FRMPD4: variants seen among roughly 807,000 people sequenced by gnomAD.
FRMPD4 encodes the protein FERM and PDZ domain containing 4, also known as FERM and PDZ domain-containing protein 4.
Under a neutral mutation model 94.1 loss-of-function variants are expected in FRMPD4, and 22 were observed. That is an observed-to-expected ratio of 0.23 (90% CI 0.17 to 0.33). The LOEUF (loss-of-function observed/expected upper bound fraction) is 0.33. Among genes scored for constraint, FRMPD4 ranks in the 10% least tolerant of loss-of-function variants. The pLI is 1.00. For missense variants in FRMPD4, 1,111 were observed against 1,339.9 expected (o/e 0.83, Z 2.67); for synonymous variants, 631 against 548.6 (o/e 1.15, Z -2.10).
At chrX:12,539,593 G>C (rs1188200286) in intron 2 of FRMPD4, among the ~76,000 whole-genome samples, 1 of 111,193 alleles carries the variant, frequency 9.0e-6, no homozygotes, top group Non-Finnish European at 1.9e-5. Flanking sequence ...CTGATCTCTC[G>C]GCAGAAACTC....
intron 1 of FRMPD4, among the ~76,000 whole-genome samples, chrX:12,340,802 C>A (rs1268997742): frequency 2.7e-5 from 3 of 111,976 alleles, no homozygotes; most frequent in Non-Finnish European, 5.6e-5. Flanking sequence ...CCACGTTTTA[C>A]AAATGTTCAT....
intron 3 of FRMPD4, among the ~76,000 whole-genome samples, chrX:12,130,983 G>T (rs995261543): frequency 9.8e-5 from 11 of 112,173 alleles, no homozygotes; most frequent in Admixed American, 2.8e-4. Context: ...ATTATACACT[G>T]GCAGAATCTT....
intron 3 of FRMPD4, among the ~76,000 whole-genome samples, chrX:11,921,742 T>C (rs1157886958): frequency 1.8e-5 from 2 of 112,355 alleles, no homozygotes; most frequent in African/African-American, 6.5e-5. Flanking sequence ...GCAGTTAACA[T>C]GTAATATGAA....
At chrX:12,079,503 A>G (rs2055046190) in intron 3 of FRMPD4, among the ~76,000 whole-genome samples, 1 of 111,979 alleles carries the variant, frequency 8.9e-6, no homozygotes, top group African/African-American at 3.2e-5. Flanking sequence ...TTTACACTTT[A>G]AGACTTTATT....
chrX:12,092,047 C>A (rs1398313762), intron 3 of FRMPD4, among the ~76,000 whole-genome samples: 1 of 111,482 alleles, frequency 9.0e-6, no homozygotes, highest in Non-Finnish European at 1.9e-5. Context: ...TAAAATATCC[C>A]ATTTTATTCA....
chrX:12,011,733 A>C, intron 3 of FRMPD4, among the ~76,000 whole-genome samples: 1 of 111,617 alleles, frequency 9.0e-6, no homozygotes, highest in Non-Finnish European at 1.9e-5. Flanking sequence ...GTGGTTATGA[A>C]GGCAAAATAG....
intron 1 of FRMPD4, among the ~76,000 whole-genome samples, chrX:12,458,904 G>C (rs1327412033): frequency 1.0e-5 from 1 of 95,461 alleles, no homozygotes; most frequent in Non-Finnish European, 2.3e-5. Flanking sequence ...GTGTTTTATA[G>C]ATAGATACTC....
At chrX:12,053,422 GAAAGAA>G (rs2054834922) in intron 3 of FRMPD4, among the ~76,000 whole-genome samples, 6 of 92,050 alleles carry the variant, frequency 6.5e-5, no homozygotes, top group Non-Finnish European at 1.1e-4. Context: ...AAGAAAGAAA[GAAAGAA>G]AGAGAAAGAA....
chrX:11,959,582 G>A (rs1457777547), intron 3 of FRMPD4, among the ~76,000 whole-genome samples: 1 of 112,079 alleles, frequency 8.9e-6, no homozygotes, highest in Non-Finnish European at 1.9e-5. Flanking sequence ...CCCTTATCAG[G>A]AAGGAATGCT....
intron 1 of FRMPD4, among the ~76,000 whole-genome samples, chrX:12,207,070 C>T (rs1372444113): frequency 9.0e-6 from 1 of 111,510 alleles, no homozygotes; most frequent in African/African-American, 3.3e-5. Context: ...TCTTCCTTTA[C>T]TGTCATATGT....
intron 1 of FRMPD4, among the ~76,000 whole-genome samples, chrX:12,261,077 G>A (rs1020444419): frequency 9.0e-6 from 1 of 111,163 alleles, no homozygotes; most frequent in African/African-American, 3.3e-5. Flanking sequence ...TCCCAGTACC[G>A]ACCTAACATA....
intron 1 of FRMPD4, among the ~76,000 whole-genome samples, chrX:12,383,955 C>T (rs1052377515): frequency 9.0e-6 from 1 of 110,966 alleles, no homozygotes; most frequent in African/African-American, 3.3e-5. Context: ...CACTAGAACC[C>T]AGGGAGATGA....
Position 12,126,358 on chromosome X carries a change from C to T in FRMPD4, c.95+248340C>T, listed in dbSNP as rs756101523. Among the ~76,000 whole-genome samples the T allele has an allele frequency of 3.6e-5, 4 of 112,101 alleles. No homozygotes were observed. The East Asian group carries it at 1.1e-3, about 31-fold the overall frequency. ...AGAGGAGAATACTACATTTCTTGGT[C>T]AGAGACAAAGCTGGTTCCGTGGGAA... On this transcript the variant is annotated intron_variant, in intron 3 of 18. Transcript: ENST00000640291.
In FRMPD4 at chrX:12,498,658, CT is replaced by C. The variant is rs111618469; in HGVS notation, c.42-10del. 63,784 of 548,217 alleles carry C rather than the reference CT, an allele frequency of 0.12. 136 individuals are homozygous for C. Among genetic ancestry groups the C allele is most frequent in the Non-Finnish European group, 0.13 (48,533 of 386,359 alleles). The allele number at this position is 548,217 out of a possible 1,213,427, so 45.2% of individuals were successfully genotyped here. On this transcript the variant is annotated intron_variant, in intron 1 of 16. Coordinates refer to ENST00000675598, the MANE Select transcript of FRMPD4 (RefSeq NM_001368397.1). ...TGTTCAGGAGTCAGGTGTAATGATG[CT>C]TTTTTTTTTTTCTTTTCCAGCCACA... is the stretch of plus-strand genomic sequence containing the variant.
At chrX:12,159,997 T>C (rs1323487831) in intron 1 of FRMPD4, among the ~76,000 whole-genome samples, 1 of 110,381 alleles carries the variant, frequency 9.1e-6, no homozygotes, top group Non-Finnish European at 1.9e-5. Context: ...GAGGGGAAGT[T>C]GTAACACCAG....
At chrX:12,207,919 G>T (rs1569191859) in intron 1 of FRMPD4, among the ~76,000 whole-genome samples, 1 of 111,897 alleles carries the variant, frequency 8.9e-6, no homozygotes, top group Non-Finnish European at 1.9e-5. Context: ...GGAAGACAGA[G>T]ATTGGAGTTC....
At chrX:11,975,413 A>T (rs2054361594) in intron 3 of FRMPD4, among the ~76,000 whole-genome samples, 1 of 112,247 alleles carries the variant, frequency 8.9e-6, no homozygotes, top group African/African-American at 3.2e-5. Flanking sequence ...TCTTGGCAGG[A>T]TTGTTCAAAA....
intron 1 of FRMPD4, among the ~76,000 whole-genome samples, chrX:12,204,258 A>T (rs1202343999): frequency 1.8e-5 from 2 of 112,335 alleles, no homozygotes; most frequent in East Asian, 5.7e-4. Flanking sequence ...ACAACAAAGA[A>T]TTACCCAGCC....
Position 12,237,636 on chromosome X carries a change from C to A in FRMPD4, c.41+98624C>A, listed in dbSNP as rs764160417. On this transcript the variant is annotated intron_variant, in intron 1 of 16. Coordinates refer to ENST00000675598, the MANE Select transcript of FRMPD4 (RefSeq NM_001368397.1). ...GTCATTCAAATATTTTTTACTACTC[C>A]TTTCTCTTTGATATTTGATCCAAAG... Among the ~76,000 whole-genome samples, 4 of 111,869 alleles carry A rather than the reference C, an allele frequency of 3.6e-5. No homozygotes were observed. In the East Asian group the frequency reaches 1.1e-3, roughly 31 times the overall value.
Sources: gnomAD v4.1 joint callset for allele counts (sites outside exome capture counted in the v4.1 genomes callset) on GRCh38, gnomAD v4.1.1 for gene constraint, MANE v1.5 for transcripts, NCBI Gene and HGNC (gene_info 2026-07-23, HGNC 2026-07-21) for gene names.